Variants in COL19A1 observed in about 807,000 individuals in gnomAD.
COL19A1 encodes the protein collagen type XIX alpha 1 chain, also known as collagen alpha-1(XIX) chain.
A neutral mutation model predicts 190.2 loss-of-function variants in COL19A1; 159 were observed. That is an observed-to-expected ratio of 0.84 (90% CI 0.73 to 0.95). The LOEUF (loss-of-function observed/expected upper bound fraction) is 0.95. Among genes scored for constraint, COL19A1 ranks in the 40% least tolerant of loss-of-function variants. The probability of loss-of-function intolerance (pLI) is 0.00; values close to 1 mark genes in which losing one functional copy is unlikely to be tolerated. For synonymous variants in COL19A1, 509 were observed against 458.9 expected (o/e 1.11, Z -1.39); for missense variants, 1,418 against 1,431.9 (o/e 0.99, Z 0.16).
At chr6:70,133,685 C>A (rs763767688) in intron 18 of COL19A1, among the ~76,000 whole-genome samples, 11 of 152,214 alleles carry the variant, frequency 7.2e-5, no homozygotes, top group Non-Finnish European at 1.3e-4. Flanking sequence ...TCGAAAGTGT[C>A]AAACTGAAGG....
chr6:69,951,505 G>A (rs1435164078), intron 9 of COL19A1, among the ~76,000 whole-genome samples: 1 of 151,684 alleles, frequency 6.6e-6, no homozygotes, highest in African/African-American at 2.4e-5. Context: ...AACACTTGGG[G>A]GAATTTATAT....
intron 13 of COL19A1, 84 bp from the exon 14 acceptor site, chr6:70,035,820 A>G (rs1779322768): frequency 1.1e-5 from 12 of 1,091,036 alleles, no homozygotes; most frequent in Admixed American, 2.0e-5. Flanking sequence ...ATCTCTATAT[A>G]TTGCTTCTAT....
chr6:69,989,632 A>T (rs1338372530), intron 11 of COL19A1, among the ~76,000 whole-genome samples: 1 of 145,696 alleles, frequency 6.9e-6, no homozygotes, highest in Admixed American at 6.9e-5. Flanking sequence ...TCTTCTTCCA[A>T]TGTGGCCCAG....
intron 12 of COL19A1, 25 bp downstream of exon 12, chr6:70,023,705 A>T (rs375849279): frequency 7.1e-5 from 113 of 1,593,326 alleles, no homozygotes; most frequent in Non-Finnish European, 4.3e-5. Context: ...TTTTTCTGAT[A>T]CTCTGTTTAC....
chr6:69,905,742 A>G (rs1308833405), intron 4 of COL19A1, among the ~76,000 whole-genome samples: 1 of 152,200 alleles, frequency 6.6e-6, no homozygotes, highest in East Asian at 1.9e-4. Context: ...ACATCATTGT[A>G]CACTTAGAGG....
chr6:69,961,045 G>A (rs1279839293), intron 10 of COL19A1, among the ~76,000 whole-genome samples: 2 of 152,056 alleles, frequency 1.3e-5, no homozygotes, highest in Non-Finnish European at 2.9e-5. Context: ...CTTCAGGTGG[G>A]GCCAGCTGTC....
rs1401924440 is a variant in COL19A1, at chr6:70,042,549, C to G, written c.1170+6610C>G. 2.6e-5 allele frequency among the ~76,000 whole-genome samples: 4 copies of G among 152,142 alleles called. No individual in the cohort carries two copies. The East Asian group carries it at 7.7e-4, about 29-fold the overall frequency. On this transcript the variant is annotated intron_variant, in intron 14 of 50. Coordinates refer to ENST00000620364, the MANE Select transcript of COL19A1 (RefSeq NM_001858.6). ...TTGCCTCCATATTGATGGCTGCTAT[C>G]TGATCAGGGTGGTGGTTATTGAAGG...
intron 16 of COL19A1, among the ~76,000 whole-genome samples, chr6:70,102,626 A>G (rs1038315417): frequency 9.2e-5 from 14 of 152,224 alleles, no homozygotes; most frequent in African/African-American, 3.1e-4. Flanking sequence ...TTTTCTTGAT[A>G]TGAAACTATT....
chr6:70,041,499 G>A (rs1490163282), intron 14 of COL19A1, among the ~76,000 whole-genome samples: 4 of 151,966 alleles, frequency 2.6e-5, no homozygotes, highest in Admixed American at 1.3e-4. Context: ...TCAGTGCTAT[G>A]TATTGTTTAA....
chr6:69,939,618 C>T (rs563888611), intron 9 of COL19A1, among the ~76,000 whole-genome samples: 3 of 152,158 alleles, frequency 2.0e-5, no homozygotes, highest in South Asian at 2.1e-4. Context: ...CTTCCACTTG[C>T]GATATTTTAC....
chr6:70,122,173 G>T (rs943909220), intron 17 of COL19A1, among the ~76,000 whole-genome samples: 13 of 151,960 alleles, frequency 8.6e-5, no homozygotes, highest in African/African-American at 1.4e-4. Flanking sequence ...TAAAAATTTT[G>T]TTCAAAGATT....
chr6:70,113,558 A>G (rs1293249551), intron 16 of COL19A1, among the ~76,000 whole-genome samples: 2 of 151,874 alleles, frequency 1.3e-5, no homozygotes, highest in African/African-American at 2.4e-5. Context: ...GACTATATTT[A>G]TTTTTTCTTT....
In COL19A1 at chr6:69,871,092, A is replaced by G. The variant is rs118134779; in HGVS notation, c.-33+4452A>G. ...TCTGCAAACTTACTTCAATTTAATT[A>G]CTCCAGCCACTGATAAAACTAAGGA... On this transcript the variant is annotated intron_variant, in intron 1 of 50. Transcript: ENST00000620364. Among the ~76,000 whole-genome samples, 593 of 152,314 alleles carry G rather than the reference A, an allele frequency of 3.9e-3. 2 individuals are homozygous for G. Among genetic ancestry groups the G allele is most frequent in the Non-Finnish European group, 5.0e-3 (340 of 68,030 alleles).
intron 15 of COL19A1, among the ~76,000 whole-genome samples, chr6:70,085,389 G>A (rs1782517106): frequency 6.6e-6 from 1 of 152,160 alleles, no homozygotes; most frequent in East Asian, 1.9e-4. Flanking sequence ...AAGCCAGTTA[G>A]CACTGTCCTA....
chr6:70,058,459 A>G (rs1477581546), intron 14 of COL19A1, among the ~76,000 whole-genome samples: 1 of 151,932 alleles, frequency 6.6e-6, no homozygotes, highest in African/African-American at 2.4e-5. Flanking sequence ...AGCTCTTCCT[A>G]TTCTCTCTTA....
At chr6:70,142,446 G>T (rs1786318043) in intron 22 of COL19A1, among the ~76,000 whole-genome samples, 1 of 152,106 alleles carries the variant, frequency 6.6e-6, no homozygotes, top group South Asian at 2.1e-4. Flanking sequence ...TTCCCAAGTG[G>T]GATTCCACAG....
At chr6:70,115,198 C>T (rs1248553722) in intron 16 of COL19A1, among the ~76,000 whole-genome samples, 1 of 152,168 alleles carries the variant, frequency 6.6e-6, no homozygotes, top group Non-Finnish European at 1.5e-5. Context: ...TTCTCCTTTC[C>T]TGTCCTACCC....
At chr6:70,117,309 G>A (rs1784634881) in intron 16 of COL19A1, among the ~76,000 whole-genome samples, 2 of 152,198 alleles carry the variant, frequency 1.3e-5, no homozygotes, top group African/African-American at 4.8e-5. Context: ...AAGGACTATG[G>A]TTTTTAACAG....
chr6:69,994,214 A>G (rs775663278), intron 11 of COL19A1, among the ~76,000 whole-genome samples: 3 of 152,188 alleles, frequency 2.0e-5, no homozygotes, highest in Non-Finnish European at 2.9e-5. Flanking sequence ...AGTCAAGTTT[A>G]TTAATAAGGA....
Sources: gnomAD v4.1 joint callset for allele counts (sites outside exome capture counted in the v4.1 genomes callset) on GRCh38, gnomAD v4.1.1 for gene constraint, MANE v1.5 for transcripts, NCBI Gene and HGNC (gene_info 2026-07-23, HGNC 2026-07-21) for gene names.